Variants in PTPRQ observed in about 807,000 individuals in gnomAD.
PTPRQ encodes the protein phosphatidylinositol phosphatase PTPRQ.
In PTPRQ, 199 loss-of-function variants were observed where a neutral mutation model predicts 246.0. The observed-to-expected ratio is 0.81, with a 90% CI of 0.72 to 0.91. The LOEUF (loss-of-function observed/expected upper bound fraction) is 0.91. Among genes scored for constraint, PTPRQ ranks in the 40% least tolerant of loss-of-function variants. The probability of loss-of-function intolerance (pLI) is 0.00; values close to 1 mark genes in which losing one functional copy is unlikely to be tolerated. For synonymous variants in PTPRQ, 869 were observed against 853.2 expected, an observed-to-expected ratio of 1.02 and a Z score of -0.32; for missense variants, 2,624 against 2,528.4, an observed-to-expected ratio of 1.04 and a Z score of -0.81.
At chr12:80,536,878 A>G (rs1896003932) in intron 19 of PTPRQ, among the ~76,000 whole-genome samples, 1 of 152,188 alleles carries the variant, frequency 6.6e-6, no homozygotes, top group African/African-American at 2.4e-5. Context: ...AGTAGTTCTA[A>G]ATTTTAGCAA....
At position 80,677,893 on chromosome 12, in the gene PTPRQ, C is replaced by CT. The variant is rs138602540; in HGVS notation, c.6739-699dup. 4.9e-3 allele frequency among the ~76,000 whole-genome samples: 735 copies of CT among 148,646 alleles called. 2 individuals are homozygous for CT. Among genetic ancestry groups the CT allele is most frequent in the African/African-American group, 0.011 (439 of 40,738 alleles). On this transcript the variant is annotated intron_variant, in intron 43 of 44. Coordinates refer to ENST00000644991, the MANE Select transcript of PTPRQ (RefSeq NM_001145026.2). ...GCAAATGAGGGTGATTTGAAATATA[C>CT]TTTTTTTTTTAGCTTTAACTACTTT...
intron 36 of PTPRQ, among the ~76,000 whole-genome samples, chr12:80,649,371 A>C (rs1426170165): frequency 6.6e-6 from 1 of 152,134 alleles, no homozygotes; most frequent in African/African-American, 2.4e-5. Context: ...TCACTAAAAA[A>C]TTGAAGGAAT....
At chr12:80,678,127 T>C (rs1901203564) in intron 43 of PTPRQ, among the ~76,000 whole-genome samples, 2 of 152,132 alleles carry the variant, frequency 1.3e-5, no homozygotes, top group African/African-American at 4.8e-5. Context: ...AGGCCACATA[T>C]CCAGGTGACT....
At chr12:80,467,012 C>G (rs1893444874) in intron 6 of PTPRQ, among the ~76,000 whole-genome samples, 1 of 152,176 alleles carries the variant, frequency 6.6e-6, no homozygotes, top group African/African-American at 2.4e-5. Context: ...CAAATGGGAT[C>G]TAATTAAACT....
intron 12 of PTPRQ, 144 bp downstream of exon 12, chr12:80,495,515 A>G: frequency 2.7e-6 from 3 of 1,116,548 alleles, no homozygotes; most frequent in South Asian, 2.3e-5. Flanking sequence ...GTCACCATGA[A>G]TCTTTTTAAA....
intron 8 of PTPRQ, among the ~76,000 whole-genome samples, chr12:80,479,728 T>A (rs1438893823): frequency 6.7e-6 from 1 of 149,956 alleles, no homozygotes; most frequent in Non-Finnish European, 1.5e-5. Context: ...GTTGCAATCC[T>A]AGTCTCTGAT....
At chr12:80,668,432 T>C (rs1408686575) in intron 39 of PTPRQ, among the ~76,000 whole-genome samples, 1 of 151,922 alleles carries the variant, frequency 6.6e-6, no homozygotes, top group African/African-American at 2.4e-5. Context: ...ACTAGACTAA[T>C]GACTAATGCC....
At chr12:80,473,057 A>G (rs1243589722) in intron 8 of PTPRQ, among the ~76,000 whole-genome samples, 8 of 151,156 alleles carry the variant, frequency 5.3e-5, no homozygotes, top group Admixed American at 2.0e-4. Context: ...GCACACACAC[A>G]CACACACACA....
intron 25 of PTPRQ, among the ~76,000 whole-genome samples, chr12:80,559,596 TAA>T (rs1896766119): frequency 6.6e-6 from 1 of 152,218 alleles, no homozygotes; most frequent in East Asian, 1.9e-4. Flanking sequence ...TGTTCCAATT[TAA>T]GTTAGATTTA....
chr12:80,496,276 G>C lies in PTPRQ; in HGVS notation c.2017G>C (p.Glu673Gln), dbSNP rs375302493. Residue 673 changes from glutamate to glutamine, a missense_variant, in exon 14 of 45, where the codon GAA becomes CAA. By Grantham distance (29) the Glu-to-Gln change is conservative. Coordinates refer to ENST00000644991, the MANE Select transcript of PTPRQ (RefSeq NM_001145026.2). ...ACCGGAATCATCACCTCAAGATGTCGAAGTAATTGATGTTACCGCAGATGA... is the reference window on the plus strand; with the variant it reads ...ACCGGAATCATCACCTCAAGATGTCCAAGTAATTGATGTTACCGCAGATGA... ...DEPESSPQDV[E>Q]VIDVTADEIR... 1.9e-6 allele frequency: 3 copies of C among 1,550,430 alleles called. No homozygotes were observed. Among genetic ancestry groups the C allele is most frequent in the South Asian group, 1.2e-5 (1 of 83,802 alleles).
chr12:80,589,405 C>T (rs1897718795), intron 26 of PTPRQ, among the ~76,000 whole-genome samples: 2 of 152,168 alleles, frequency 1.3e-5, no homozygotes, highest in South Asian at 4.1e-4. Flanking sequence ...ATGTTATCAT[C>T]TTCCTATCTT....
At chr12:80,495,948 C>T (rs550275750) in intron 12 of PTPRQ, 51 bp from the exon 13 acceptor site, 6 of 1,522,480 alleles carry the variant, frequency 3.9e-6, no homozygotes, top group Admixed American at 2.3e-5. Flanking sequence ...GGCACCAATC[C>T]CAAGAGTATT....
intron 33 of PTPRQ, among the ~76,000 whole-genome samples, chr12:80,623,845 AG>A (rs1158292986): frequency 2.0e-5 from 3 of 152,062 alleles, no homozygotes; most frequent in Middle Eastern, 3.2e-3. Context: ...AAGCTATAAA[AG>A]GGGGGGAGCG....
At chr12:80,587,614 T>TA (rs567366214) in intron 25 of PTPRQ, among the ~76,000 whole-genome samples, 1,513 of 151,178 alleles carry the variant, frequency 0.01, 28 homozygotes, top group African/African-American at 0.022. Flanking sequence ...TGAGATAAAA[T>TA]AAAAAAAAAT....
At chr12:80,463,280 A>T (rs953726908) in intron 6 of PTPRQ, among the ~76,000 whole-genome samples, 1 of 152,244 alleles carries the variant, frequency 6.6e-6, no homozygotes, top group East Asian at 1.9e-4. Context: ...ATGGAAGATG[A>T]AATGAATGAA....
chr12:80,482,772 A>T (rs943662543), intron 8 of PTPRQ, among the ~76,000 whole-genome samples: 2 of 151,160 alleles, frequency 1.3e-5, no homozygotes, highest in Non-Finnish European at 2.9e-5. Context: ...GACACATGAA[A>T]AAATGCTTAT....
chr12:80,674,570 T>C (rs1901074814), intron 43 of PTPRQ, among the ~76,000 whole-genome samples: 1 of 152,148 alleles, frequency 6.6e-6, no homozygotes, highest in Non-Finnish European at 1.5e-5. Flanking sequence ...GGAAAGATAT[T>C]TGAGCTTCTA....
At chr12:80,535,137 T>C in intron 19 of PTPRQ, 100 bp downstream of exon 19, 1 of 1,165,486 alleles carries the variant, frequency 8.6e-7, no homozygotes, top group Non-Finnish European at 1.2e-6. Context: ...CTTACATTGA[T>C]AATTAGGCAC....
intron 25 of PTPRQ, among the ~76,000 whole-genome samples, chr12:80,584,698 C>T (rs959422075): frequency 2.0e-5 from 3 of 152,114 alleles, no homozygotes; most frequent in African/African-American, 7.2e-5. Context: ...AGTGAAATTC[C>T]ATCTCATGTG....
Sources: allele counts gnomAD v4.1 joint callset (sites outside exome capture counted in the v4.1 genomes callset), GRCh38; gene constraint gnomAD v4.1.1; transcripts MANE v1.5; gene names NCBI Gene and HGNC (gene_info 2026-07-23, HGNC 2026-07-21).